Variants in AVL9 observed in about 807,000 individuals in gnomAD.
The protein encoded by AVL9 is late secretory pathway protein AVL9 homolog.
A neutral mutation model predicts 79.2 loss-of-function variants in AVL9; 49 were observed. The observed-to-expected ratio is 0.62, with a 90% CI of 0.49 to 0.79. The LOEUF (loss-of-function observed/expected upper bound fraction) is 0.79. Among genes scored for constraint, AVL9 ranks in the 30% least tolerant of loss-of-function variants. The probability of loss-of-function intolerance (pLI) is 0.00; values close to 1 mark genes in which losing one functional copy is unlikely to be tolerated. For synonymous variants in AVL9, 299 were observed against 280.6 expected (o/e 1.07, Z -0.65); for missense variants, 682 against 776.8 (o/e 0.88, Z 1.45).
At chr7:32,536,907 G>A (rs1194684247) in intron 1 of AVL9, 9 of 152,228 alleles carry the variant, frequency 5.9e-5, no homozygotes, top group African/African-American at 2.2e-4. Context: ...TGGTTGGTGG[G>A]TCAGGGAGTT....
intron 10 of AVL9, chr7:32,562,807 C>T (rs79733605): frequency 0.011 from 1,785 of 161,046 alleles, 35 homozygotes; most frequent in African/African-American, 0.04. Flanking sequence ...CTGTAGTCAC[C>T]GCTACTTGGG....
intron 1 of AVL9, among the ~76,000 whole-genome samples, chr7:32,507,537 G>T (rs1247424937): frequency 6.6e-6 from 1 of 152,140 alleles, no homozygotes; most frequent in Admixed American, 6.5e-5. Context: ...CTTTTGTTCA[G>T]CATTATGCTT....
chr7:32,540,737 A>G (rs940330791), intron 1 of AVL9, among the ~76,000 whole-genome samples: 2 of 152,076 alleles, frequency 1.3e-5, no homozygotes, highest in Admixed American at 1.3e-4. Flanking sequence ...TGTACCGTAC[A>G]TTCCTACAGC....
In AVL9 at chr7:32,554,693, TAA is replaced by T. The variant is rs1453334273; in HGVS notation, c.609+98_609+99del. The T allele has an allele frequency of 6.2e-6, 5 of 811,164 alleles. No homozygotes were observed. In the African/African-American group the frequency reaches 8.9e-5, roughly 15 times the overall value. 50.2% of individuals were successfully genotyped at this position (811,164 alleles called of 1,614,324 possible). ...AAAATTGAAACTAATGATAAAGTAT[TAA>T]GATACTTTTTGCCTATCATTGTGGT... On this transcript the variant is annotated intron_variant, in intron 8 of 15. Coordinates refer to ENST00000318709, the MANE Select transcript of AVL9 (RefSeq NM_015060.3).
rs1787119975 is a variant in AVL9, at chr7:32,501,404, C to A, written c.93+5602C>A. Among the ~76,000 whole-genome samples the A allele has an allele frequency of 2.0e-5, 3 of 152,202 alleles. No homozygotes were observed. In the South Asian group the frequency reaches 6.2e-4, roughly 32 times the overall value. On this transcript the variant is annotated intron_variant, in intron 1 of 15. Transcript: ENST00000318709. Reference sequence around the variant, plus strand: ...AACCTTTTAAGATTCTTTTTAGCTGCTAGTTTTACAGAAACTTTGTTCTGA... The same window carrying A: ...AACCTTTTAAGATTCTTTTTAGCTGATAGTTTTACAGAAACTTTGTTCTGA...
intron 10 of AVL9, among the ~76,000 whole-genome samples, chr7:32,565,880 C>T (rs866225697): frequency 6.6e-6 from 1 of 151,662 alleles, no homozygotes; most frequent in African/African-American, 2.4e-5. Flanking sequence ...TGGTGGCATA[C>T]GCCTGTAGTC....
chr7:32,527,235 C>T (rs1245068903), intron 1 of AVL9, among the ~76,000 whole-genome samples: 1 of 152,138 alleles, frequency 6.6e-6, no homozygotes, highest in African/African-American at 2.4e-5. Flanking sequence ...TTTCCTGCTT[C>T]CTGTAGAATT....
At chr7:32,517,559 C>T (rs1210842278) in intron 1 of AVL9, among the ~76,000 whole-genome samples, 1 of 152,052 alleles carries the variant, frequency 6.6e-6, no homozygotes, top group African/African-American at 2.4e-5. Flanking sequence ...CCACCTCGGC[C>T]TCCCAAAGTG....
intron 1 of AVL9, among the ~76,000 whole-genome samples, chr7:32,516,401 CT>C (rs1787901933): frequency 1.3e-5 from 2 of 152,244 alleles, no homozygotes; most frequent in Admixed American, 6.5e-5. Context: ...ATTGGCTTCT[CT>C]GGGCATTTGC....
At chr7:32,549,941 A>AAAGAAAGAAAAGGAATGGC (rs139435887) in intron 4 of AVL9, among the ~76,000 whole-genome samples, 2 of 146,842 alleles carry the variant, frequency 1.4e-5, no homozygotes, top group Admixed American at 1.4e-4. Context: ...GAAAGAAAGA[A>AAAGAAAGAAAAGGAATGGC]AAAAAAGAAA....
intron 3 of AVL9, among the ~76,000 whole-genome samples, chr7:32,548,627 A>C (rs1208446363): frequency 6.6e-6 from 1 of 152,186 alleles, no homozygotes; most frequent in Non-Finnish European, 1.5e-5. Flanking sequence ...GGGATTGTCC[A>C]TTCACTATTA....
intron 1 of AVL9, among the ~76,000 whole-genome samples, chr7:32,523,455 G>C (rs1788256610): frequency 6.8e-6 from 1 of 146,488 alleles, no homozygotes; most frequent in African/African-American, 2.5e-5. Context: ...GGGTAGAAAA[G>C]TTCCTGGGAC....
rs1231591133 is a variant in AVL9 at position 32,579,427 on chromosome 7, A to T, written c.1689-792A>T. ...ATTATATATAATATGTTATATATAT[A>T]ATATATATATTATATATAATATATT... On this transcript the variant is annotated intron_variant, in intron 13 of 15. Transcript: ENST00000318709. 2.5e-3 allele frequency among the ~76,000 whole-genome samples: 6 copies of T among 2,418 alleles called. 2 individuals carry two copies. Among genetic ancestry groups the T allele is most frequent in the African/African-American group, 0.012 (6 of 496 alleles). 1.6% of individuals were successfully genotyped at this position (2,418 alleles called of 152,430 possible). A position where few individuals can be genotyped will look rare whatever the true frequency, so the allele number is the denominator to read the frequency against.
Position 32,573,436 on chromosome 7 carries a change from G to A in AVL9, c.1570+18G>A. On this transcript the variant is annotated intron_variant, in intron 12 of 15. Transcript: ENST00000318709. ...GCAATTAGGTAAGAAACCACACGGAGCCTACAGCTACCTGTTTTATTATAA... is the reference window on the plus strand; with the variant it reads ...GCAATTAGGTAAGAAACCACACGGAACCTACAGCTACCTGTTTTATTATAA... 1.9e-6 allele frequency: 3 copies of A among 1,589,942 alleles called. No homozygotes were observed. The highest frequency in any genetic ancestry group is 2.6e-6 in the Non-Finnish European group (3 of 1,159,186).
intron 10 of AVL9, among the ~76,000 whole-genome samples, chr7:32,569,539 A>G (rs1190488058): frequency 2.0e-5 from 3 of 152,188 alleles, no homozygotes; most frequent in Non-Finnish European, 4.4e-5. Context: ...TTTTTGCATG[A>G]TTTTTAACAT....
At chr7:32,541,353 T>C (rs1293093112) in intron 1 of AVL9, among the ~76,000 whole-genome samples, 1 of 152,186 alleles carries the variant, frequency 6.6e-6, no homozygotes, top group East Asian at 1.9e-4. Flanking sequence ...TAAATATCTG[T>C]ACATCAAAAT....
intron 1 of AVL9, 118 bp from the exon 2 acceptor site, chr7:32,543,023 T>TATAC (rs1420020754): frequency 7.8e-7 from 1 of 1,287,826 alleles, no homozygotes; most frequent in East Asian, 2.3e-5. Context: ...CAAATGACAT[T>TATAC]ATACAGTGTG....
intron 1 of AVL9, among the ~76,000 whole-genome samples, chr7:32,527,463 C>G (rs146991202): frequency 6.6e-6 from 1 of 152,140 alleles, no homozygotes; most frequent in African/African-American, 2.4e-5. Flanking sequence ...ACCGAGACTA[C>G]AGTAGCTCAG....
At chr7:32,549,230 AT>A (rs1158604841) in intron 4 of AVL9, among the ~76,000 whole-genome samples, 3 of 134,476 alleles carry the variant, frequency 2.2e-5, no homozygotes, top group Non-Finnish European at 4.8e-5. Flanking sequence ...TATATATATA[AT>A]TTTTTTTTTT....
Sources: allele counts gnomAD v4.1 joint callset (sites outside exome capture counted in the v4.1 genomes callset), GRCh38; gene constraint gnomAD v4.1.1; transcripts MANE v1.5; gene names NCBI Gene and HGNC (gene_info 2026-07-23, HGNC 2026-07-21).